Variants in ELAVL1 observed in about 807,000 individuals in gnomAD.
ELAVL1 encodes the protein ELAV like RNA binding protein 1.
ELAVL1 carries 1 observed loss-of-function variant against 28.4 expected under a neutral mutation model. That is an observed-to-expected ratio of 0.04 (90% confidence interval 0.01 to 0.17). The LOEUF (loss-of-function observed/expected upper bound fraction) is 0.17. Among genes scored for constraint, ELAVL1 ranks in the 10% least tolerant of loss-of-function variants. ELAVL1 has a pLI of 1.00. For synonymous variants in ELAVL1, 174 were observed against 183.5 expected (o/e 0.95, Z 0.42); for missense variants, 157 against 447.2 (o/e 0.35, Z 5.85).
rs1985486364 is a variant in ELAVL1, at chr19:7,982,325, G to A, written c.173-1139C>T. On this transcript the variant is annotated intron_variant, in intron 2 of 5. Coordinates refer to ENST00000407627, the MANE Select transcript of ELAVL1 (RefSeq NM_001419.3). The surrounding 1 kb of genome is among the most constrained non-coding windows in gnomAD (Gnocchi z 4.3). ...TGCTGAACATCTGCTGTGGGCCTGA[G>A]CCTCACCCAGCACTGCTCCATTCCC... 6.6e-6 allele frequency among the ~76,000 whole-genome samples: 1 copy of A among 152,180 alleles called. No homozygotes were observed. Among genetic ancestry groups the A allele is most frequent in the Non-Finnish European group, 1.5e-5 (1 of 68,046 alleles).
At chr19:7,997,359 A>G (rs756851748) in intron 1 of ELAVL1, among the ~76,000 whole-genome samples, 1 of 152,244 alleles carries the variant, frequency 6.6e-6, no homozygotes, top group Non-Finnish European at 1.5e-5. Context: ...CCACCTGGCA[A>G]TAAAAGGTAT....
At chr19:7,974,474 T>C (rs926268083) in intron 3 of ELAVL1, among the ~76,000 whole-genome samples, 1 of 152,228 alleles carries the variant, frequency 6.6e-6, no homozygotes, top group Non-Finnish European at 1.5e-5. Flanking sequence ...GACAAAATGG[T>C]ACATTCATCA....
intron 2 of ELAVL1, among the ~76,000 whole-genome samples, chr19:7,985,984 T>C (rs897463654): frequency 6.6e-6 from 1 of 152,234 alleles, no homozygotes; most frequent in African/African-American, 2.4e-5. Flanking sequence ...GGGAGCACCA[T>C]GGTTGCCTTA....
rs965554867 is a variant in ELAVL1, at chr19:7,979,985, A to G, written c.276+1098T>C. ...AGGCCCCCCTGTGACCATGGAATCTATATGTTACAGCTCCCCAGGAGGCCC... is the reference window on the plus strand; with the variant it reads ...AGGCCCCCCTGTGACCATGGAATCTGTATGTTACAGCTCCCCAGGAGGCCC... On this transcript the variant is annotated intron_variant, in intron 3 of 5. Transcript: ENST00000407627. This position sits in a 1 kb window ranked among gnomAD's most constrained non-coding sequence, Gnocchi z 5.4. Among the ~76,000 whole-genome samples, 5 of 152,086 alleles carry G rather than the reference A, an allele frequency of 3.3e-5. No individual in the cohort carries two copies. The highest frequency in any genetic ancestry group is 2.6e-4 in the Admixed American group (4 of 15,280).
intron 1 of ELAVL1, among the ~76,000 whole-genome samples, chr19:7,994,649 G>T (rs948536012): frequency 6.6e-6 from 1 of 152,154 alleles, no homozygotes; most frequent in African/African-American, 2.4e-5. Flanking sequence ...AAAATCCAGC[G>T]CAAGATCACC....
At chr19:7,996,961 G>A (rs910338527) in intron 1 of ELAVL1, among the ~76,000 whole-genome samples, 4 of 152,072 alleles carry the variant, frequency 2.6e-5, no homozygotes, top group African/African-American at 9.7e-5. Context: ...AAACCACATC[G>A]AGACACCGCT....
chr19:7,997,290 A>C (rs751311502), intron 1 of ELAVL1, among the ~76,000 whole-genome samples: 64 of 152,218 alleles, frequency 4.2e-4, no homozygotes, highest in Admixed American at 1.4e-3. Context: ...AAACTACAAC[A>C]ACCCAAATAT....
chr19:7,995,237 AATTAAAATGCAC>A (rs1447624704), intron 1 of ELAVL1, among the ~76,000 whole-genome samples: 1 of 152,230 alleles, frequency 6.6e-6, no homozygotes, highest in Non-Finnish European at 1.5e-5. Flanking sequence ...AACACTGAAG[AATTAAAATGCAC>A]ATTGAAGCTT....
intron 3 of ELAVL1, among the ~76,000 whole-genome samples, chr19:7,974,977 G>A (rs1184579667): frequency 6.6e-6 from 1 of 152,190 alleles, no homozygotes; most frequent in African/African-American, 2.4e-5. Context: ...GAGGAGAGGA[G>A]TGTGGGGCTG....
Position 7,997,111 on chromosome 19 carries a change from T to A in ELAVL1, c.-16-5280A>T, listed in dbSNP as rs2081052260. 3.3e-5 allele frequency among the ~76,000 whole-genome samples: 5 copies of A among 152,160 alleles called. No homozygotes were observed. In the South Asian group the frequency reaches 1.0e-3, roughly 31 times the overall value. Reference sequence around the variant, plus strand: ...CTGGTGGGAATGCAAAAATGTGAAATGTGACAGCCACTTTGGAAAACAGAT... The same window carrying A: ...CTGGTGGGAATGCAAAAATGTGAAAAGTGACAGCCACTTTGGAAAACAGAT... On this transcript the variant is annotated intron_variant, in intron 1 of 5. Transcript: ENST00000407627.
intron 2 of ELAVL1, among the ~76,000 whole-genome samples, chr19:7,985,044 C>G (rs1170020637): frequency 6.6e-6 from 1 of 152,180 alleles, no homozygotes; most frequent in Non-Finnish European, 1.5e-5. Context: ...CTCAGCCCCC[C>G]AAGTAGCTGG....
chr19:7,999,115 G>C (rs1343797631), intron 1 of ELAVL1, among the ~76,000 whole-genome samples: 1 of 152,240 alleles, frequency 6.6e-6, no homozygotes, highest in African/African-American at 2.4e-5. Flanking sequence ...GCTTATGCCT[G>C]TAATCCCAGC....
rs1555713706 is a variant in ELAVL1 at position 8,001,634 on chromosome 19, AT to A, written c.-17+3860del. Among the ~76,000 whole-genome samples, 420 of 138,910 alleles carry A rather than the reference AT, an allele frequency of 3.0e-3. 2 individuals are homozygous for A. Among genetic ancestry groups the A allele is most frequent in the Middle Eastern group, 0.012 (3 of 258 alleles). 91.1% of individuals were successfully genotyped at this position (138,910 alleles called of 152,430 possible). ...CATAAACGTCTCACTCTTAAAAAAA[AT>A]TTTTTTTTTTTTTAGAGATGGGATC... On this transcript the variant is annotated intron_variant, in intron 1 of 5. Coordinates refer to ENST00000407627, the MANE Select transcript of ELAVL1 (RefSeq NM_001419.3).
intron 1 of ELAVL1, 114 bp from the exon 2 acceptor site, chr19:7,991,945 TTTG>T (rs2145223092): frequency 9.2e-5 from 92 of 1,004,494 alleles, no homozygotes; most frequent in Middle Eastern, 3.2e-4. Flanking sequence ...TTTTTTTTTT[TTTG>T]TTTTGTTTTT....
chr19:7,990,454 C>A (rs1299913755), intron 2 of ELAVL1, among the ~76,000 whole-genome samples: 1 of 151,670 alleles, frequency 6.6e-6, no homozygotes, highest in Non-Finnish European at 1.5e-5. Flanking sequence ...CAACCTCAAC[C>A]CCCGAGACTC....
chr19:7,993,729 G>A (rs1985812473), intron 1 of ELAVL1, among the ~76,000 whole-genome samples: 5 of 143,206 alleles, frequency 3.5e-5, no homozygotes, highest in Non-Finnish European at 7.8e-5. Flanking sequence ...GTCTCGGTGA[G>A]AGCCCATCCC....
chr19:7,989,263 G>A lies in ELAVL1; in HGVS notation c.172+2381C>T, dbSNP rs573381687. On this transcript the variant is annotated intron_variant, in intron 2 of 5. Transcript: ENST00000407627. The stretch of plus-strand genomic sequence containing the variant: ...AAAGCCAGGTTGCAGCATGTTCTCC[G>A]TAAAGCTCCAGTCACTTGAAGGGCT... Among the ~76,000 whole-genome samples the A allele has an allele frequency of 3.9e-5, 6 of 152,276 alleles. No individual in the cohort carries two copies. In the East Asian group the frequency reaches 7.7e-4, roughly 20 times the overall value.
intron 4 of ELAVL1, among the ~76,000 whole-genome samples, chr19:7,971,896 C>T (rs570861326): frequency 1.9e-4 from 29 of 152,314 alleles, no homozygotes; most frequent in African/African-American, 5.3e-4. Context: ...GCTCAGGGGA[C>T]GCAGGACAAT....
rs1431980996 is a variant in ELAVL1, at chr19:7,958,823, G to A, written c.*4660C>T. ...CAATTGTTTAATAAAACTTTTTCAT[G>A]TTTCCATTACATGTAAATATATCAA... is the stretch of plus-strand genomic sequence containing the variant. On this transcript the variant is annotated 3_prime_UTR_variant, in exon 6 of 6. Coordinates refer to ENST00000407627, the MANE Select transcript of ELAVL1 (RefSeq NM_001419.3). 6.5e-6 allele frequency: 1 copy of A among 152,738 alleles called. No homozygotes were observed. Among genetic ancestry groups the A allele is most frequent in the East Asian group, 1.9e-4 (1 of 5,196 alleles). 9.5% of individuals were successfully genotyped at this position (152,738 alleles called of 1,614,324 possible).
Sources: allele counts gnomAD v4.1 joint callset (sites outside exome capture counted in the v4.1 genomes callset), GRCh38; gene constraint gnomAD v4.1.1; non-coding constraint Gnocchi (gnomAD v3.1); transcripts MANE v1.5; gene names NCBI Gene and HGNC (gene_info 2026-07-23, HGNC 2026-07-21).